The following ELAPOR1 variants were observed in gnomAD, a reference collection of about 807,000 sequenced individuals.
ELAPOR1 encodes endosome/lysosome-associated apoptosis and autophagy regulator 1.
A neutral mutation model predicts 119.7 loss-of-function variants in ELAPOR1; 77 were observed. That is an observed-to-expected ratio of 0.64 (90% CI 0.54 to 0.78). The LOEUF (loss-of-function observed/expected upper bound fraction) is 0.78. Ranked by LOEUF, ELAPOR1 falls within the 30% of genes least tolerant of loss-of-function variation. The pLI is 0.00. For missense variants in ELAPOR1, 1,115 were observed against 1,270.4 expected (o/e 0.88, Z 1.86); for synonymous variants, 481 against 487.2 (o/e 0.99, Z 0.17).
chr1:109,161,726 T>G, intron 1 of ELAPOR1, 168 bp from the exon 2 acceptor site: 3 of 655,178 alleles, frequency 4.6e-6, no homozygotes, highest in Non-Finnish European at 7.8e-6. Flanking sequence ...ATCCAAATCA[T>G]TGTAGTTCTT....
In ELAPOR1 at chr1:109,200,233, C is replaced by T; in HGVS notation, c.2803C>T (p.Gln935Ter). The T allele has an allele frequency of 1.9e-6, 3 of 1,613,928 alleles. No homozygotes were observed. Among genetic ancestry groups the T allele is most frequent in the Non-Finnish European group, 2.5e-6 (3 of 1,179,864 alleles). ...VLTCYFWKKN[Q>*]KLEYKYSKLV... ...GACCTGCTACTTTTGGAAAAAGAATCAAAAGTACATGTTGCGGTATTGGAG... is the reference window on the plus strand; with the variant it reads ...GACCTGCTACTTTTGGAAAAAGAATTAAAAGTACATGTTGCGGTATTGGAG... The change falls in exon 20 of 22, where the codon CAA becomes TAA. Residue 935 changes from glutamine (Q) to a stop codon, truncating the protein, a stop_gained. Coordinates refer to ENST00000369939, the MANE Select transcript of ELAPOR1 (RefSeq NM_020775.5). LOFTEE classifies it high-confidence loss of function.
chr1:109,196,932 C>T (rs768737348), intron 15 of ELAPOR1, among the ~76,000 whole-genome samples: 4 of 152,160 alleles, frequency 2.6e-5, no homozygotes, highest in African/African-American at 4.8e-5. Context: ...CCACCTGCCT[C>T]GGCCTTCCGA....
rs1653886855 is a variant in ELAPOR1 at position 109,197,529 on chromosome 1, G to A, written c.2177G>A (p.Gly726Asp). Reference sequence around the variant, plus strand: ...GTCACTGACCTCCGGATTCCTGAGGGTGAGTCAGGGTTCTCCAAATCTATC... The same window carrying A: ...GTCACTGACCTCCGGATTCCTGAGGATGAGTCAGGGTTCTCCAAATCTATC... ...DNVTDLRIPE[G>D]ESGFSKSITA... Residue 726 changes from glycine to aspartate, a missense_variant, in exon 16 of 22, where the codon GGT (glycine) becomes GAT (aspartate). Coordinates refer to ENST00000369939, the MANE Select transcript of ELAPOR1 (RefSeq NM_020775.5). 6.2e-7 allele frequency: 1 copy of A among 1,614,176 alleles called. No homozygotes were observed. Among genetic ancestry groups the A allele is most frequent in the Non-Finnish European group, 8.5e-7 (1 of 1,180,030 alleles).
At chr1:109,191,931 G>A in intron 13 of ELAPOR1, 68 bp downstream of exon 13, 2 of 1,563,470 alleles carry the variant, frequency 1.3e-6, no homozygotes, top group Non-Finnish European at 1.7e-6. Context: ...CCTAGCATTA[G>A]CTTAAGTATG....
rs1199007907 is a variant in ELAPOR1 at position 109,201,289 on chromosome 1, C to T, written c.2973+389C>T. On this transcript the variant is annotated intron_variant, in intron 21 of 21. Coordinates refer to ENST00000369939, the MANE Select transcript of ELAPOR1 (RefSeq NM_020775.5). ...AACTTCTGATAGAAGTCAGGCTCTC[C>T]TTTGACCAGTGGGGGGTGCTGTCTT... 6.5e-6 allele frequency: 3 copies of T among 458,034 alleles called. No homozygotes were observed. In the Admixed American group the frequency reaches 7.1e-5, roughly 11 times the overall value. 28.4% of individuals were successfully genotyped at this position (458,034 alleles called of 1,614,324 possible). A position where few individuals can be genotyped will look rare whatever the true frequency, so the allele number is the denominator to read the frequency against.
intron 18 of ELAPOR1, 92 bp downstream of exon 18, chr1:109,198,766 A>C (rs915030888): frequency 8.5e-7 from 1 of 1,175,656 alleles, no homozygotes; most frequent in African/African-American, 1.5e-5. Flanking sequence ...AGAGCAAAAA[A>C]GAAAAGAGTT....
intron 1 of ELAPOR1, among the ~76,000 whole-genome samples, chr1:109,152,785 A>G (rs1650611310): frequency 6.6e-6 from 1 of 151,744 alleles, no homozygotes; most frequent in Admixed American, 6.6e-5. Flanking sequence ...CTCTATTAAA[A>G]ATACAAAAAA....
chr1:109,175,600 G>T (rs1447196953), intron 7 of ELAPOR1, among the ~76,000 whole-genome samples: 1 of 150,350 alleles, frequency 6.7e-6, no homozygotes, highest in Non-Finnish European at 1.5e-5. Flanking sequence ...GCCGAGGCAG[G>T]CAGATCACTT....
At chr1:109,144,061 A>ATTTTTTT (rs71069655) in intron 1 of ELAPOR1, among the ~76,000 whole-genome samples, 29 of 88,974 alleles carry the variant, frequency 3.3e-4, no homozygotes, top group South Asian at 1.1e-3. Context: ...ATATTTATAT[A>ATTTTTTT]TTTTTTTTTT....
intron 1 of ELAPOR1, among the ~76,000 whole-genome samples, chr1:109,142,597 G>A (rs1649898811): frequency 6.6e-6 from 1 of 152,198 alleles, no homozygotes; most frequent in Non-Finnish European, 1.5e-5. Flanking sequence ...TCTGTCAGGG[G>A]CATGTAAAGG....
In ELAPOR1 at chr1:109,114,264, G is replaced by A; in HGVS notation, c.81G>A (p.Arg27=). The part of the protein sequence containing the change: ...RTERRIPRLW[R]LLLWAGTAFQ... ...AGAGGCGCATACCCCGGCTGTGGCG[G>A]CTGCTGCTCTGGGCTGGGACCGCCT... Residue 27 remains arginine (R), a synonymous_variant, in exon 1 of 22, where the codon CGG becomes CGA. Transcript: ENST00000369939. 1 of 1,600,454 alleles carries A rather than the reference G, an allele frequency of 6.2e-7. No individual in the cohort carries two copies. Among genetic ancestry groups the A allele is most frequent in the Non-Finnish European group, 8.5e-7 (1 of 1,173,712 alleles).
intron 1 of ELAPOR1, among the ~76,000 whole-genome samples, chr1:109,127,778 G>A (rs1444768427): frequency 6.6e-6 from 1 of 151,536 alleles, no homozygotes; most frequent in African/African-American, 2.4e-5. Flanking sequence ...TGTCCAGGCT[G>A]GTCTCGAACT....
chr1:109,189,186 G>A lies in ELAPOR1; in HGVS notation c.1340G>A (p.Gly447Asp), dbSNP rs1416961565. The A allele has an allele frequency of 6.2e-7, 1 of 1,613,660 alleles. No individual in the cohort carries two copies. Among genetic ancestry groups the A allele is most frequent in the Admixed American group, 1.7e-5 (1 of 59,948 alleles). The change falls in exon 10 of 22, where the codon GGC (glycine) becomes GAC (aspartate). Residue 447 changes from glycine to aspartate, a missense_variant. Physicochemically the swap from Gly to Asp is moderately conservative, Grantham distance 94 (BLOSUM62 -1). Transcript: ENST00000369939. The part of the protein sequence containing the change: ...VLSGINFEYK[G>D]MTGWEVAGDH... ...AGTGGGATCAACTTCGAGTACAAGGGCATGACAGGTAATTGCCTCTCCCTG... is the reference window on the plus strand; with the variant it reads ...AGTGGGATCAACTTCGAGTACAAGGACATGACAGGTAATTGCCTCTCCCTG...
Position 109,191,370 on chromosome 1 carries a change from C to G in ELAPOR1, c.1444C>G (p.Pro482Ala), listed in dbSNP as rs1438246731. ...TTTTAATTTCTGCCCCTACAGACCT[C>G]CGCAGTCGGTGATGGCAGACACAGA... ...LTLVVPGFRP[P>A]QSVMADTENK... The change falls in exon 12 of 22, where the codon CCG becomes GCG. Residue 482 changes from proline to alanine, a missense_variant. By Grantham distance (27) the Pro-to-Ala change is conservative. Coordinates refer to ENST00000369939, the MANE Select transcript of ELAPOR1 (RefSeq NM_020775.5). 1 of 1,613,582 alleles carries G rather than the reference C, an allele frequency of 6.2e-7. No homozygotes were observed. The highest frequency in any genetic ancestry group is 1.7e-5 in the Admixed American group (1 of 60,028).
rs745938875 is a variant in ELAPOR1, at chr1:109,154,281, CAA to C, written c.154-7592_154-7591del. On this transcript the variant is annotated intron_variant, in intron 1 of 21. Transcript: ENST00000369939. The stretch of plus-strand genomic sequence containing the variant: ...GGGCAACAAGAGCGAAACTCCGTCT[CAA>C]AAAAAAAAAAAAAAAAAAAAGAAAA... Among the ~76,000 whole-genome samples, 20 of 39,762 alleles carry C rather than the reference CAA, an allele frequency of 5.0e-4. No homozygotes were observed. The South Asian group carries it at 0.013, about 26-fold the overall frequency. The allele number at this position is 39,762 out of a possible 152,430, so 26.1% of individuals were successfully genotyped here. A position where few individuals can be genotyped will look rare whatever the true frequency, so the allele number is the denominator to read the frequency against.
intron 1 of ELAPOR1, among the ~76,000 whole-genome samples, chr1:109,135,576 GC>G (rs1411454305): frequency 1.3e-5 from 2 of 152,166 alleles, no homozygotes; most frequent in African/African-American, 2.4e-5. Flanking sequence ...GTCTCCAGGG[GC>G]TACTGCTGCT....
At chr1:109,164,298 C>A (rs1651438376) in intron 2 of ELAPOR1, among the ~76,000 whole-genome samples, 1 of 152,018 alleles carries the variant, frequency 6.6e-6, no homozygotes, top group Non-Finnish European at 1.5e-5. Flanking sequence ...TGACACATAG[C>A]AAGGAATATC....
At chr1:109,125,680 G>A (rs772681440) in intron 1 of ELAPOR1, among the ~76,000 whole-genome samples, 5 of 152,110 alleles carry the variant, frequency 3.3e-5, no homozygotes, top group African/African-American at 7.2e-5. Context: ...CACCACGCCC[G>A]GCCAAGCAGT....
intron 4 of ELAPOR1, 140 bp downstream of exon 4, chr1:109,172,153 T>A (rs1651966402): frequency 9.3e-7 from 1 of 1,080,292 alleles, no homozygotes; most frequent in East Asian, 2.4e-5. Flanking sequence ...GTGGGCAAAA[T>A]GAGCTGAGGC....
Sources: allele counts gnomAD v4.1 joint callset (sites outside exome capture counted in the v4.1 genomes callset), GRCh38; gene constraint gnomAD v4.1.1; transcripts MANE v1.5; gene names NCBI Gene and HGNC (gene_info 2026-07-23, HGNC 2026-07-21).